Variants in RNF169 observed in about 807,000 individuals in gnomAD.
RNF169 encodes E3 ubiquitin-protein ligase RNF169.
In RNF169, 24 loss-of-function variants were observed where a neutral mutation model predicts 53.9. The ratio of observed to expected loss-of-function variants is 0.45; its 90% confidence interval spans 0.32 to 0.63. The LOEUF (loss-of-function observed/expected upper bound fraction) is 0.63, where lower values mean the gene tolerates loss of function less well. Among genes scored for constraint, RNF169 ranks in the 20% least tolerant of loss-of-function variants. The pLI, the probability that RNF169 is intolerant of heterozygous loss-of-function variation, is 0.04. For synonymous variants in RNF169, 396 were observed against 363.5 expected (o/e 1.09, Z -1.02); for missense variants, 883 against 906.2 (o/e 0.97, Z 0.33).
chr11:74,828,535 C>T (rs1209911852), intron 4 of RNF169, among the ~76,000 whole-genome samples: 1 of 152,124 alleles, frequency 6.6e-6, no homozygotes, highest in Non-Finnish European at 1.5e-5. Context: ...CCTGAATATT[C>T]ATGACAATTC....
At chr11:74,754,346 A>G (rs1471243426) in intron 1 of RNF169, among the ~76,000 whole-genome samples, 1 of 152,234 alleles carries the variant, frequency 6.6e-6, no homozygotes, top group Non-Finnish European at 1.5e-5. Flanking sequence ...TTTGAAATCA[A>G]GGATGGTTAT....
intron 5 of RNF169, 58 bp downstream of exon 5, chr11:74,834,833 C>A: frequency 8.8e-7 from 1 of 1,134,222 alleles, no homozygotes; most frequent in Non-Finnish European, 1.3e-6. Context: ...ACCCCCTCTG[C>A]ACATGGTCAT....
In RNF169 at chr11:74,839,620, T is replaced by C. The variant is rs953353842; in HGVS notation, c.*2890T>C. On this transcript the variant is annotated 3_prime_UTR_variant, in exon 6 of 6. Coordinates refer to ENST00000299563, the MANE Select transcript of RNF169 (RefSeq NM_001098638.2). ...TTACTCTGTTCCTTGTATATATGCA[T>C]TCTGGGTTTTTTTATTATTAAAGGG... 6.6e-6 allele frequency: 1 copy of C among 151,860 alleles called. No individual in the cohort carries two copies. The highest frequency in any genetic ancestry group is 1.5e-5 in the Non-Finnish European group (1 of 67,830). The allele number at this position is 151,860 out of a possible 1,614,324, so 9.4% of individuals were successfully genotyped here.
chr11:74,770,216 T>C (rs529084948), intron 1 of RNF169, among the ~76,000 whole-genome samples: 2 of 152,372 alleles, frequency 1.3e-5, no homozygotes, highest in East Asian at 3.9e-4. Flanking sequence ...CAGGGTACTC[T>C]TGGAGAGCCC....
At chr11:74,785,199 T>C (rs928873990) in intron 1 of RNF169, among the ~76,000 whole-genome samples, 2 of 116,084 alleles carry the variant, frequency 1.7e-5, no homozygotes, top group African/African-American at 9.8e-5. Context: ...ATATATATGA[T>C]ATATATATAT....
At chr11:74,760,043 G>A (rs1419254764) in intron 1 of RNF169, among the ~76,000 whole-genome samples, 2 of 151,470 alleles carry the variant, frequency 1.3e-5, no homozygotes, top group African/African-American at 4.9e-5. Context: ...TCTTGGGAGA[G>A]TGTATGTGTC....
intron 2 of RNF169, among the ~76,000 whole-genome samples, chr11:74,791,665 G>C (rs897091300): frequency 2.0e-5 from 3 of 152,238 alleles, no homozygotes; most frequent in African/African-American, 7.2e-5. Flanking sequence ...CGGCATGGGT[G>C]CTGGGAGTGG....
At chr11:74,785,354 A>T (rs1346655047) in intron 1 of RNF169, among the ~76,000 whole-genome samples, 2 of 147,840 alleles carry the variant, frequency 1.4e-5, no homozygotes, top group Non-Finnish European at 3.0e-5. Flanking sequence ...AGGCTCCATC[A>T]TTCAAGTTTT....
chr11:74,813,848 G>A (rs920456556), intron 3 of RNF169, among the ~76,000 whole-genome samples: 2 of 151,888 alleles, frequency 1.3e-5, no homozygotes, highest in Non-Finnish European at 2.9e-5. Flanking sequence ...GTGCCACCAC[G>A]CCCAGTTAAT....
chr11:74,825,202 T>A lies in RNF169; in HGVS notation c.842+7488T>A, dbSNP rs951121332. On this transcript the variant is annotated intron_variant, in intron 4 of 5. Transcript: ENST00000299563. The stretch of plus-strand genomic sequence containing the variant: ...ACATTCTCCAATATAGACTGTATGT[T>A]AGACCATAAAACAAGTCTCAATATA... Among the ~76,000 whole-genome samples the A allele has an allele frequency of 1.2e-4, 19 of 152,348 alleles. 2 individuals are homozygous for A. Among genetic ancestry groups the A allele is most frequent in the Admixed American group, 1.1e-3 (17 of 15,304 alleles).
At chr11:74,768,112 A>G (rs2035202406) in intron 1 of RNF169, among the ~76,000 whole-genome samples, 1 of 152,230 alleles carries the variant, frequency 6.6e-6, no homozygotes, top group Admixed American at 6.5e-5. Flanking sequence ...ATGTTAATTA[A>G]GACAGTGAAG....
At chr11:74,774,839 A>G (rs2035309878) in intron 1 of RNF169, among the ~76,000 whole-genome samples, 1 of 152,134 alleles carries the variant, frequency 6.6e-6, no homozygotes, top group South Asian at 2.1e-4. Context: ...CATGCCTGTA[A>G]TCGTAGCTAC....
chr11:74,755,871 G>A (rs115530460), intron 1 of RNF169, among the ~76,000 whole-genome samples: 3,229 of 152,230 alleles, frequency 0.021, 112 homozygotes, highest in African/African-American at 0.074. Context: ...AGATCATGAA[G>A]GCCATTGTGT....
At chr11:74,786,617 T>G (rs1246124452) in intron 1 of RNF169, among the ~76,000 whole-genome samples, 1 of 152,190 alleles carries the variant, frequency 6.6e-6, no homozygotes, top group Non-Finnish European at 1.5e-5. Flanking sequence ...CAAACCACAA[T>G]TTAAAGAATG....
chr11:74,761,552 A>C (rs2035082551), intron 1 of RNF169, among the ~76,000 whole-genome samples: 1 of 151,396 alleles, frequency 6.6e-6, no homozygotes, highest in Non-Finnish European at 1.5e-5. Flanking sequence ...AAAGGATTTT[A>C]TTTCTCCTTC....
At chr11:74,806,652 G>T (rs1408436498) in intron 2 of RNF169, among the ~76,000 whole-genome samples, 1 of 152,192 alleles carries the variant, frequency 6.6e-6, no homozygotes, top group African/African-American at 2.4e-5. Flanking sequence ...CTGCATGGAT[G>T]AATATCACAA....
At chr11:74,768,697 G>A (rs1295452807) in intron 1 of RNF169, among the ~76,000 whole-genome samples, 1 of 151,606 alleles carries the variant, frequency 6.6e-6, no homozygotes, top group Non-Finnish European at 1.5e-5. Context: ...ATGGAGTAGA[G>A]AAAGGCTTTC....
At chr11:74,750,766 C>T (rs1798166431) in intron 1 of RNF169, among the ~76,000 whole-genome samples, 1 of 150,456 alleles carries the variant, frequency 6.6e-6, no homozygotes, top group South Asian at 2.1e-4. Flanking sequence ...CCACCACGCC[C>T]GGCTTTTTTG....
chr11:74,782,907 G>GTT (rs754919782), intron 1 of RNF169, among the ~76,000 whole-genome samples: 28 of 135,352 alleles, frequency 2.1e-4, no homozygotes, highest in African/African-American at 3.8e-4. Flanking sequence ...GTGCAAAGAG[G>GTT]TTTTTTTTTT....
Sources: gnomAD v4.1 joint callset for allele counts (sites outside exome capture counted in the v4.1 genomes callset) on GRCh38, gnomAD v4.1.1 for gene constraint, MANE v1.5 for transcripts, NCBI Gene and HGNC (gene_info 2026-07-23, HGNC 2026-07-21) for gene names.